The following CLVS1 variants were observed in gnomAD, a reference collection of about 807,000 sequenced individuals.
The protein encoded by CLVS1 is clavesin 1, also known as clavesin-1.
A neutral mutation model predicts 33.1 loss-of-function variants in CLVS1; 10 were observed. That is an observed-to-expected ratio of 0.30 (90% CI 0.19 to 0.51). The LOEUF (loss-of-function observed/expected upper bound fraction) is 0.51, where lower values mean the gene tolerates loss of function less well. Among genes scored for constraint, CLVS1 ranks in the 20% least tolerant of loss-of-function variants. The pLI is 0.97. For missense variants in CLVS1, 343 were observed against 433.4 expected (o/e 0.79, Z 1.85); for synonymous variants, 163 against 166.1 (o/e 0.98, Z 0.14).
the CLVS1 span, among the ~76,000 whole-genome samples, chr8:60,970,356 G>A: frequency 6.6e-6 from 1 of 152,160 alleles, no homozygotes; most frequent in Non-Finnish European, 1.5e-5. Flanking sequence ...CTAATGTCCT[G>A]GGAATTTCCT....
intron 1 of CLVS1, among the ~76,000 whole-genome samples, chr8:61,069,553 C>A (rs1294233810): frequency 6.6e-6 from 1 of 152,144 alleles, no homozygotes; most frequent in Non-Finnish European, 1.5e-5. Flanking sequence ...GACATCTTGA[C>A]CCTGTGGCTG....
At chr8:61,147,588 C>T (rs991377671) in intron 2 of CLVS1, among the ~76,000 whole-genome samples, 1 of 152,148 alleles carries the variant, frequency 6.6e-6, no homozygotes, top group Non-Finnish European at 1.5e-5. Flanking sequence ...GCTTTACCCT[C>T]TGAAAATGTC....
At chr8:61,385,473 G>C (rs1814044892) in intron 3 of CLVS1, among the ~76,000 whole-genome samples, 1 of 152,126 alleles carries the variant, frequency 6.6e-6, no homozygotes, top group South Asian at 2.1e-4. Flanking sequence ...ACTCTGTGGA[G>C]AACCTTGCCC....
intron 1 of CLVS1, among the ~76,000 whole-genome samples, chr8:61,099,999 G>A (rs182661162): frequency 3.8e-4 from 58 of 152,250 alleles, no homozygotes; most frequent in Middle Eastern, 6.8e-3. Context: ...TAGAATTAGG[G>A]ACATTTATGA....
At position 61,338,588 on chromosome 8, in the gene CLVS1, C is replaced by T. The variant is rs187817323; in HGVS notation, c.456-38017C>T. Among the ~76,000 whole-genome samples the T allele has an allele frequency of 2.0e-3, 301 of 152,292 alleles. 1 individual carries two copies. The highest frequency in any genetic ancestry group is 6.6e-3 in the African/African-American group (273 of 41,558). On this transcript the variant is annotated intron_variant, in intron 2 of 5. Coordinates refer to ENST00000325897, the MANE Select transcript of CLVS1 (RefSeq NM_173519.3). ...ACTTACGCAATAAGGGTATCAGGAT[C>T]GCAGCACACATTTTTGGGTTCCAAA...
At chr8:60,967,716 G>A in the CLVS1 span, 35 of 455,306 alleles carry the variant, frequency 7.7e-5, no homozygotes, top group South Asian at 5.1e-4. Flanking sequence ...TGCTGAGGGT[G>A]GGATTTGGGA....
chr8:61,342,695 C>T (rs1475648052), intron 2 of CLVS1, among the ~76,000 whole-genome samples: 1 of 152,122 alleles, frequency 6.6e-6, no homozygotes, highest in African/African-American at 2.4e-5. Flanking sequence ...TATGTGGTGC[C>T]TCGGAAAGGC....
chr8:61,090,979 A>G, intron 1 of CLVS1: 2 of 464,262 alleles, frequency 4.3e-6, no homozygotes, highest in Non-Finnish European at 8.5e-6. Flanking sequence ...AGACTGATTA[A>G]TGACCCATGC....
intron 3 of CLVS1, among the ~76,000 whole-genome samples, chr8:61,433,965 G>A (rs1312970746): frequency 6.6e-6 from 1 of 151,988 alleles, no homozygotes; most frequent in Non-Finnish European, 1.5e-5. Context: ...AGTTGTAGAT[G>A]GGCTAGAAGA....
chr8:61,387,297 G>A (rs889143390), intron 3 of CLVS1, among the ~76,000 whole-genome samples: 2 of 152,056 alleles, frequency 1.3e-5, no homozygotes, highest in South Asian at 4.1e-4. Context: ...TGAAATGGGA[G>A]AATTGCTTGA....
chr8:61,364,805 G>A (rs193130768), intron 2 of CLVS1, among the ~76,000 whole-genome samples: 22 of 152,266 alleles, frequency 1.4e-4, no homozygotes, highest in Admixed American at 1.0e-3. Flanking sequence ...TATTAAATAC[G>A]GAGGTTTGGA....
intron 1 of CLVS1, among the ~76,000 whole-genome samples, chr8:61,059,573 G>A (rs941418449): frequency 1.4e-5 from 2 of 147,468 alleles, no homozygotes; most frequent in Non-Finnish European, 3.0e-5. Context: ...CACTTTGGGA[G>A]GCCAAGGCAA....
chr8:61,411,110 T>A (rs1585932179), intron 3 of CLVS1, among the ~76,000 whole-genome samples: 1 of 152,210 alleles, frequency 6.6e-6, no homozygotes, highest in African/African-American at 2.4e-5. Context: ...ATCCTACAAG[T>A]TGTTCTGGAG....
intron 2 of CLVS1, among the ~76,000 whole-genome samples, chr8:61,208,758 T>C (rs1382780617): frequency 6.6e-6 from 1 of 152,078 alleles, no homozygotes; most frequent in Non-Finnish European, 1.5e-5. Context: ...CAGCTAATTT[T>C]TGTATTTTTG....
intron 2 of CLVS1, chr8:61,273,786 C>T (rs561902612): frequency 1.7e-4 from 26 of 154,642 alleles, no homozygotes; most frequent in East Asian, 3.8e-4. Context: ...TTCTTTGACT[C>T]GGAAAGGGAA....
intron 3 of CLVS1, among the ~76,000 whole-genome samples, chr8:61,413,118 G>C (rs192158375): frequency 1.8e-3 from 272 of 152,242 alleles, no homozygotes; most frequent in African/African-American, 6.3e-3. Flanking sequence ...TGAAATTAGC[G>C]AGTCTGGAGA....
At chr8:61,468,796 AT>A (rs1456528848) in intron 5 of CLVS1, among the ~76,000 whole-genome samples, 1 of 151,620 alleles carries the variant, frequency 6.6e-6, no homozygotes, top group East Asian at 1.9e-4. Flanking sequence ...CCAAATAAAC[AT>A]TCATGTCTCA....
At position 61,366,133 on chromosome 8, in the gene CLVS1, TG is replaced by T. The variant is rs544817169; in HGVS notation, c.456-10471del. ...CTTCCATTGGGATCATTTTTTGTTT[TG>T]TTTTTAATTTCTTCTGCTTTCTTCT... On this transcript the variant is annotated intron_variant, in intron 2 of 5. Coordinates refer to ENST00000325897, the MANE Select transcript of CLVS1 (RefSeq NM_173519.3). Among the ~76,000 whole-genome samples the T allele has an allele frequency of 4.4e-3, 666 of 152,338 alleles. 7 individuals carry two copies. The highest frequency in any genetic ancestry group is 0.015 in the African/African-American group (634 of 41,578).
chr8:61,270,652 T>A (rs2129592686), intron 2 of CLVS1, among the ~76,000 whole-genome samples: 1 of 152,270 alleles, frequency 6.6e-6, no homozygotes, highest in South Asian at 2.1e-4. Flanking sequence ...CCTGGACTCT[T>A]TTTGGTTGGT....
Sources: allele counts gnomAD v4.1 joint callset (sites outside exome capture counted in the v4.1 genomes callset), GRCh38; gene constraint gnomAD v4.1.1; transcripts MANE v1.5; gene names NCBI Gene and HGNC (gene_info 2026-07-23, HGNC 2026-07-21).